Variants in TBC1D1 observed in about 807,000 individuals in gnomAD.
TBC1D1 encodes the protein TBC1 domain family member 1.
In TBC1D1, 89 loss-of-function variants were observed where a neutral mutation model predicts 125.6. The observed-to-expected ratio is 0.71, with a 90% CI of 0.60 to 0.85. The LOEUF is 0.85. Ranked by LOEUF, TBC1D1 falls within the 40% of genes least tolerant of loss-of-function variation. The pLI, the probability that TBC1D1 is intolerant of heterozygous loss-of-function variation, is 0.00. For synonymous variants in TBC1D1, 565 were observed against 564.1 expected (o/e 1.00, Z -0.02); for missense variants, 1,377 against 1,469.2 (o/e 0.94, Z 1.03).
intron 15 of TBC1D1, among the ~76,000 whole-genome samples, chr4:38,111,011 G>T (rs891764937): frequency 3.9e-5 from 6 of 152,266 alleles, no homozygotes; most frequent in Admixed American, 3.3e-4. Context: ...CTTGAGTTGG[G>T]TGTGAGGGGC....
At chr4:37,914,928 C>T (rs1168355330) in intron 2 of TBC1D1, among the ~76,000 whole-genome samples, 1 of 152,262 alleles carries the variant, frequency 6.6e-6, no homozygotes, top group Non-Finnish European at 1.5e-5. Flanking sequence ...AGCAATATCA[C>T]TTCATCCAGT....
chr4:38,126,556 C>T (rs185260202), intron 18 of TBC1D1, among the ~76,000 whole-genome samples: 5 of 152,316 alleles, frequency 3.3e-5, no homozygotes, highest in African/African-American at 4.8e-5. Context: ...TTTCTGTTTG[C>T]ACATTGCATA....
chr4:38,008,697 A>C (rs760691936), intron 2 of TBC1D1, among the ~76,000 whole-genome samples: 11 of 152,230 alleles, frequency 7.2e-5, no homozygotes, highest in Non-Finnish European at 1.2e-4. Flanking sequence ...GTAACACATT[A>C]ATCTGACCTG....
chr4:37,971,434 G>A lies in TBC1D1; in HGVS notation c.418-43075G>A, dbSNP rs554832239. Among the ~76,000 whole-genome samples the A allele has an allele frequency of 3.7e-4, 56 of 152,168 alleles. 1 individual carries two copies. The highest frequency in any genetic ancestry group is 1.3e-3 in the African/African-American group (53 of 41,498). On this transcript the variant is annotated intron_variant, in intron 2 of 19. Coordinates refer to ENST00000261439, the MANE Select transcript of TBC1D1 (RefSeq NM_015173.4). ...GAAGAATTGAGAGCCGAACAAAAAG[G>A]GTTTTGCCTTATAAAACCATCAGAT...
chr4:37,915,915 T>C (rs1471032092), intron 2 of TBC1D1, among the ~76,000 whole-genome samples: 1 of 152,198 alleles, frequency 6.6e-6, no homozygotes. Flanking sequence ...TCTTCTTTGG[T>C]CTGTATGAAT....
intron 16 of TBC1D1, 95 bp downstream of exon 18, chr4:38,116,049 G>T: frequency 7.3e-7 from 1 of 1,377,928 alleles, no homozygotes; most frequent in Non-Finnish European, 1.0e-6. Context: ...TCACCGTCAG[G>T]TAACATTGTA....
intron 15 of TBC1D1, among the ~76,000 whole-genome samples, chr4:38,115,261 T>G (rs1255501401): frequency 1.3e-5 from 2 of 151,990 alleles, no homozygotes; most frequent in African/African-American, 4.8e-5. Flanking sequence ...CCACCACGCC[T>G]GACTAATTTT....
chr4:38,096,126 C>A (rs748732111), intron 14 of TBC1D1, 36 bp downstream of exon 16: 3 of 1,563,060 alleles, frequency 1.9e-6, no homozygotes, highest in African/African-American at 2.7e-5. Context: ...TCAACCTCAC[C>A]CCTCATTGGT....
At chr4:37,976,664 A>G (rs890339134) in intron 2 of TBC1D1, among the ~76,000 whole-genome samples, 5 of 151,830 alleles carry the variant, frequency 3.3e-5, no homozygotes, top group African/African-American at 9.7e-5. Context: ...TTTTTTTTCA[A>G]CGTGGAACTC....
At chr4:37,916,234 T>G (rs1044975446) in intron 2 of TBC1D1, among the ~76,000 whole-genome samples, 3 of 152,192 alleles carry the variant, frequency 2.0e-5, no homozygotes, top group Admixed American at 2.0e-4. Flanking sequence ...ACTGTCTTAT[T>G]TGTAGAAACA....
At chr4:37,914,003 A>G (rs1462607367) in intron 2 of TBC1D1, among the ~76,000 whole-genome samples, 5 of 151,998 alleles carry the variant, frequency 3.3e-5, no homozygotes, top group African/African-American at 1.2e-4. Context: ...GGAGAACCAC[A>G]CCTGCCTGTT....
At chr4:37,986,485 G>A (rs371188548) in intron 2 of TBC1D1, among the ~76,000 whole-genome samples, 69 of 152,216 alleles carry the variant, frequency 4.5e-4, no homozygotes, top group African/African-American at 1.5e-3. Flanking sequence ...TTGCTCTGTT[G>A]CCCAGGCTGG....
At chr4:37,953,016 G>A (rs113103046) in intron 2 of TBC1D1, among the ~76,000 whole-genome samples, 1 of 152,296 alleles carries the variant, frequency 6.6e-6, no homozygotes, top group Non-Finnish European at 1.5e-5. Context: ...ACGTGGTTTT[G>A]GATATGCCGT....
At chr4:37,938,984 A>G (rs1724973480) in intron 2 of TBC1D1, among the ~76,000 whole-genome samples, 1 of 152,232 alleles carries the variant, frequency 6.6e-6, no homozygotes, top group African/African-American at 2.4e-5. Flanking sequence ...CGCAATAAAC[A>G]TACGTGTGCA....
chr4:38,004,795 A>T (rs966691067), intron 2 of TBC1D1, among the ~76,000 whole-genome samples: 1 of 152,220 alleles, frequency 6.6e-6, no homozygotes, highest in Non-Finnish European at 1.5e-5. Context: ...TTTTATGTGG[A>T]TGTGTATTGA....
intron 7 of TBC1D1, among the ~76,000 whole-genome samples, chr4:38,032,840 CAAA>C (rs1228708927): frequency 1.4e-4 from 12 of 86,728 alleles, no homozygotes; most frequent in Non-Finnish European, 2.1e-4. Flanking sequence ...GACTCCATCT[CAAA>C]AAAAAAAAAA....
chr4:38,088,171 G>T (rs909306255), intron 12 of TBC1D1, among the ~76,000 whole-genome samples: 3 of 151,936 alleles, frequency 2.0e-5, no homozygotes, highest in African/African-American at 7.3e-5. Context: ...AAAAAGAAAG[G>T]AAAGGGCTCA....
chr4:37,916,426 C>T (rs1465383335), intron 2 of TBC1D1, among the ~76,000 whole-genome samples: 1 of 151,864 alleles, frequency 6.6e-6, no homozygotes, highest in African/African-American at 2.4e-5. Context: ...TTAGCAATTT[C>T]GTAGTTGTCC....
intron 12 of TBC1D1, among the ~76,000 whole-genome samples, chr4:38,069,685 G>A (rs79275410): frequency 0.1 from 15,794 of 152,036 alleles, 1,000 homozygotes; most frequent in Non-Finnish European, 0.14. Context: ...GGGCACCCAC[G>A]TAGCTGGCTG....
Sources: allele counts gnomAD v4.1 joint callset (sites outside exome capture counted in the v4.1 genomes callset), GRCh38; gene constraint gnomAD v4.1.1; transcripts MANE v1.5; gene names NCBI Gene and HGNC (gene_info 2026-07-23, HGNC 2026-07-21).